The following SHANK2 variants were observed in gnomAD, a reference collection of about 807,000 sequenced individuals.
SHANK2 encodes the protein SH3 and multiple ankyrin repeat domains 2.
In SHANK2, 43 loss-of-function variants were observed where a neutral mutation model predicts 133.7. That is an observed-to-expected ratio of 0.32 (90% CI 0.25 to 0.41). The LOEUF is 0.41. Among genes scored for constraint, SHANK2 ranks in the 10% least tolerant of loss-of-function variants. The pLI is 1.00. For synonymous variants in SHANK2, 1,017 were observed against 952.8 expected, an observed-to-expected ratio of 1.07 and a Z score of -1.24; for missense variants, 1,994 against 2,235.8, an observed-to-expected ratio of 0.89 and a Z score of 2.18.
chr11:71,202,230 C>G (rs148111743), intron 2 of SHANK2, among the ~76,000 whole-genome samples: 22 of 152,344 alleles, frequency 1.4e-4, no homozygotes, highest in African/African-American at 5.1e-4. Flanking sequence ...CAGGAACTCA[C>G]CTCAGAGGCC....
Position 71,172,156 on chromosome 11 carries a change from A to T in SHANK2, c.-12-24818T>A, listed in dbSNP as rs557709321. ...AATTGCTAGGATTTCCAACACAGTG[A>T]TTCCCACCTGGCACAAGGGAAGCCC... On this transcript the variant is annotated intron_variant, in intron 2 of 25. Transcript: ENST00000601538. Among the ~76,000 whole-genome samples, 6 of 152,318 alleles carry T rather than the reference A, an allele frequency of 3.9e-5. No homozygotes were observed. The East Asian group carries it at 9.7e-4, about 25-fold the overall frequency.
intron 17 of SHANK2, among the ~76,000 whole-genome samples, chr11:70,509,264 G>C (rs1488977149): frequency 6.6e-6 from 1 of 152,326 alleles, no homozygotes; most frequent in Non-Finnish European, 1.5e-5. Flanking sequence ...ACCTGCCCCT[G>C]CAGCACCAGC....
chr11:71,204,019 G>T (rs1309674763), intron 2 of SHANK2, among the ~76,000 whole-genome samples: 1 of 152,104 alleles, frequency 6.6e-6, no homozygotes, highest in Non-Finnish European at 1.5e-5. Flanking sequence ...TCCACCCTTC[G>T]CTGTGATGAA....
chr11:70,852,759 C>A (rs902291102), intron 11 of SHANK2, among the ~76,000 whole-genome samples: 1 of 152,218 alleles, frequency 6.6e-6, no homozygotes, highest in Non-Finnish European at 1.5e-5. Flanking sequence ...AGGAGAATCG[C>A]TTGAACCCAG....
rs369191878 is a variant in SHANK2 at position 70,952,721 on chromosome 11, G to A, written c.1108-56154C>T. 37 of 415,160 alleles carry A rather than the reference G, an allele frequency of 8.9e-5. 1 individual carries two copies. Among genetic ancestry groups the A allele is most frequent in the African/African-American group, 6.9e-4 (33 of 47,930 alleles). 25.7% of individuals were successfully genotyped at this position (415,160 alleles called of 1,614,324 possible). ...TCAGGGCAGCACTCTGGGGGACGCA[G>A]ATGGCAGGGCGGCCCTGGCTTCGTG... On this transcript the variant is annotated intron_variant, in intron 10 of 25. Coordinates refer to ENST00000601538, the MANE Select transcript of SHANK2 (RefSeq NM_012309.5).
At chr11:70,582,109 G>A (rs2060192333) in intron 17 of SHANK2, among the ~76,000 whole-genome samples, 1 of 152,248 alleles carries the variant, frequency 6.6e-6, no homozygotes, top group African/African-American at 2.4e-5. Flanking sequence ...TTGGCCTGGG[G>A]AGACAGCAGA....
intron 10 of SHANK2, chr11:70,908,178 G>T (rs1950136527): frequency 8.0e-6 from 2 of 248,864 alleles, no homozygotes; most frequent in East Asian, 1.1e-4. Context: ...ACAGATTGTT[G>T]CTTAAGAGAC....
In SHANK2 at chr11:71,188,472, G is replaced by A. The variant is rs1339773809; in HGVS notation, c.-13+36225C>T. On this transcript the variant is annotated intron_variant, in intron 2 of 25. Transcript: ENST00000601538. The surrounding 1 kb of genome is among the most constrained non-coding windows in gnomAD (Gnocchi z 4.6). ...TCCCTCTGGGGAGAAGGACTTCGGC[G>A]CAAGGGAACAGGAAAACACTGCAAA... Among the ~76,000 whole-genome samples, 6 of 152,170 alleles carry A rather than the reference G, an allele frequency of 3.9e-5. No homozygotes were observed. Among genetic ancestry groups the A allele is most frequent in the Non-Finnish European group, 7.3e-5 (5 of 68,032 alleles).
At chr11:70,742,644 G>T (rs1946553518) in intron 14 of SHANK2, among the ~76,000 whole-genome samples, 1 of 152,204 alleles carries the variant, frequency 6.6e-6, no homozygotes, top group African/African-American at 2.4e-5. Flanking sequence ...AGAGAGGCAG[G>T]CCCAGGACGC....
intron 11 of SHANK2, chr11:70,865,049 C>A (rs545563562): frequency 2.6e-4 from 39 of 152,246 alleles, no homozygotes; most frequent in African/African-American, 9.1e-4. Flanking sequence ...CTAGAGAGTT[C>A]TCTGGTACCC....
In SHANK2 at chr11:70,886,907, T is replaced by C. The variant is rs535018568; in HGVS notation, c.1174+9594A>G. 1.1e-4 allele frequency among the ~76,000 whole-genome samples: 16 copies of C among 152,184 alleles called. No homozygotes were observed. In the South Asian group the frequency reaches 3.1e-3, roughly 30 times the overall value. On this transcript the variant is annotated intron_variant, in intron 11 of 25. Transcript: ENST00000601538. ...CAGCTCAATGTGCCTCCTTTTAAAA[T>C]ATAAAAACCCCTCGCTTCTCTCTCC... is the stretch of plus-strand genomic sequence containing the variant.
At chr11:70,635,380 T>G (rs1265333189) in intron 17 of SHANK2, 1 of 152,182 alleles carries the variant, frequency 6.6e-6, no homozygotes, top group Non-Finnish European at 1.5e-5. Flanking sequence ...TCATTCAGGC[T>G]TAAACCAGAA....
intron 13 of SHANK2, among the ~76,000 whole-genome samples, chr11:70,798,984 G>A (rs1947984071): frequency 6.6e-6 from 1 of 152,100 alleles, no homozygotes; most frequent in African/African-American, 2.4e-5. Flanking sequence ...GGGAGGAAAT[G>A]ATGAGGTCGT....
chr11:70,744,153 A>C (rs73529945), intron 14 of SHANK2, among the ~76,000 whole-genome samples: 1 of 152,184 alleles, frequency 6.6e-6, no homozygotes, highest in Non-Finnish European at 1.5e-5. Flanking sequence ...CCAGGAACAC[A>C]CAGGGCCCCA....
At chr11:71,163,813 C>G (rs1290231967) in intron 2 of SHANK2, among the ~76,000 whole-genome samples, 1 of 152,190 alleles carries the variant, frequency 6.6e-6, no homozygotes, top group South Asian at 2.1e-4. Flanking sequence ...AATCACACAC[C>G]CTCTTCAACA....
intron 2 of SHANK2, among the ~76,000 whole-genome samples, chr11:71,185,153 T>C (rs1322893649): frequency 6.6e-6 from 1 of 152,102 alleles, no homozygotes; most frequent in African/African-American, 2.4e-5. Context: ...CATGATGCTG[T>C]CCCAATACAA....
chr11:70,510,705 GA>G (rs1471663564), intron 17 of SHANK2, among the ~76,000 whole-genome samples: 1 of 152,188 alleles, frequency 6.6e-6, no homozygotes, highest in Non-Finnish European at 1.5e-5. Context: ...ACCTTTAGAG[GA>G]AGTGTCTCTG....
chr11:70,895,351 C>A (rs1216227386), intron 11 of SHANK2: 2 of 152,666 alleles, frequency 1.3e-5, no homozygotes, highest in Non-Finnish European at 2.9e-5. Flanking sequence ...CCCAGGAGCA[C>A]CCCCCTGACC....
chr11:71,187,389 G>A (rs1392934644), intron 2 of SHANK2, among the ~76,000 whole-genome samples: 3 of 151,898 alleles, frequency 2.0e-5, no homozygotes, highest in Admixed American at 2.0e-4. Context: ...TTTGTTTGGA[G>A]ACAGTTTTTC....
Sources: gnomAD v4.1 joint callset for allele counts (sites outside exome capture counted in the v4.1 genomes callset) on GRCh38, gnomAD v4.1.1 for gene constraint, Gnocchi (gnomAD v3.1) non-coding constraint, MANE v1.5 for transcripts, NCBI Gene and HGNC (gene_info 2026-07-23, HGNC 2026-07-21) for gene names.